The following ALKAL2 variants were observed in gnomAD, a reference collection of about 807,000 sequenced individuals.
ALKAL2 encodes ALK and LTK ligand 2.
In ALKAL2, 8 loss-of-function variants were observed where a neutral mutation model predicts 18.5. The ratio of observed to expected loss-of-function variants is 0.43; its 90% CI spans 0.25 to 0.78. The LOEUF (loss-of-function observed/expected upper bound fraction) is 0.78. ALKAL2 is among the 30% of genes least tolerant of loss of function. The pLI, the probability that ALKAL2 is intolerant of heterozygous loss-of-function variation, is 0.22. For synonymous variants in ALKAL2, 135 were observed against 95.8 expected (o/e 1.41, Z -2.39); for missense variants, 241 against 211.2 (o/e 1.14, Z -0.88).
chr2:287,845 G>C lies in ALKAL2; in HGVS notation c.-10C>G, dbSNP rs1670580548. 3.1e-6 allele frequency: 4 copies of C among 1,299,912 alleles called. No homozygotes were observed. The allele number at this position is 1,299,912 out of a possible 1,614,324, so 80.5% of individuals were successfully genotyped here. A position where few individuals can be genotyped will look rare whatever the true frequency, so the allele number is the denominator to read the frequency against. On this transcript the variant is annotated 5_prime_UTR_variant, in exon 2 of 6. Transcript: ENST00000403610. ...GCCCGGGTCCGCGCATCGTGCGCTC[G>C]GGGCCGCGGGGCTGGGAGACTCCGA...
Position 288,003 on chromosome 2 carries a change from G to C in ALKAL2, c.-58+10C>G, listed in dbSNP as rs1012887724. On this transcript the variant is annotated intron_variant, in intron 1 of 5. Coordinates refer to ENST00000403610, the MANE Select transcript of ALKAL2 (RefSeq NM_001002919.3). Reference sequence around the variant, plus strand: ...GGGAGGAGCCGCTGGCGCTGGACCCGGCCCCTCACCTCCGCGGACCCCGAG... The same window carrying C: ...GGGAGGAGCCGCTGGCGCTGGACCCCGCCCCTCACCTCCGCGGACCCCGAG... 6 of 1,231,842 alleles carry C rather than the reference G, an allele frequency of 4.9e-6. No individual in the cohort carries two copies. The highest frequency in any genetic ancestry group is 6.1e-6 in the Non-Finnish European group (6 of 989,478). 76.3% of individuals were successfully genotyped at this position (1,231,842 alleles called of 1,614,324 possible).
intron 4 of ALKAL2, 32 bp downstream of exon 4, chr2:286,091 G>T: frequency 1.3e-6 from 2 of 1,585,856 alleles, no homozygotes; most frequent in East Asian, 2.2e-5. Context: ...CACTGCTCTT[G>T]CATTTTATAA....
intron 2 of ALKAL2, 49 bp from the exon 3 acceptor site, chr2:286,392 T>A (rs765916463): frequency 5.0e-5 from 70 of 1,413,696 alleles, no homozygotes; most frequent in East Asian, 1.8e-4. Context: ...ACGCATTTTT[T>A]AAAAATGTGA....
chr2:288,077 C>T lies in ALKAL2; in HGVS notation c.-122G>A. 4 of 1,195,502 alleles carry T rather than the reference C, an allele frequency of 3.3e-6. No individual in the cohort carries two copies. The highest frequency in any genetic ancestry group is 4.1e-6 in the Non-Finnish European group (4 of 965,476). 74.1% of individuals were successfully genotyped at this position (1,195,502 alleles called of 1,614,324 possible). ...CCGCGGTCTCCTCGACGATCACGCC[C>T]GAGGTCCCGCCCACGGGGAGCGACC... is the stretch of plus-strand genomic sequence containing the variant. On this transcript the variant is annotated 5_prime_UTR_variant, in exon 1 of 6. Transcript: ENST00000403610.
chr2:283,043 A>C, intron 5 of ALKAL2, 68 bp downstream of exon 5: 1 of 1,482,330 alleles, frequency 6.7e-7, no homozygotes, highest in Non-Finnish European at 9.2e-7. Flanking sequence ...ACTCCCATGA[A>C]TTTTTCATGT....
chr2:287,350 C>T (rs1377896188), intron 2 of ALKAL2: 2 of 392,278 alleles, frequency 5.1e-6, no homozygotes, highest in East Asian at 3.8e-5. Flanking sequence ...AGTGTGGAAA[C>T]CACCGACCCG....
In ALKAL2 at chr2:287,653, G is replaced by T; in HGVS notation, c.183C>A (p.Leu61=). 1 of 1,482,388 alleles carries T rather than the reference G, an allele frequency of 6.7e-7. No individual in the cohort carries two copies. Among genetic ancestry groups the T allele is most frequent in the Non-Finnish European group, 8.9e-7 (1 of 1,122,508 alleles). 91.8% of individuals were successfully genotyped at this position (1,482,388 alleles called of 1,614,324 possible). A position where few individuals can be genotyped will look rare whatever the true frequency, so the allele number is the denominator to read the frequency against. The part of the protein sequence containing the change: ...HHSAEHKGLQ[L]LGRDCALGRA... Reference sequence around the variant, plus strand: ...GGCCCAGGGCGCAGTCCCGCCCGAGGAGCTGCAGGCCCTTGTGCTCCGCCG... The same window carrying T: ...GGCCCAGGGCGCAGTCCCGCCCGAGTAGCTGCAGGCCCTTGTGCTCCGCCG... The change falls in exon 2 of 6, where the codon CTC becomes CTA. Residue 61 remains leucine (L), a synonymous_variant. Coordinates refer to ENST00000403610, the MANE Select transcript of ALKAL2 (RefSeq NM_001002919.3).
At chr2:282,705 C>A (rs946728395) in intron 5 of ALKAL2, among the ~76,000 whole-genome samples, 1 of 151,998 alleles carries the variant, frequency 6.6e-6, no homozygotes, top group African/African-American at 2.4e-5. Flanking sequence ...ACAACTCAAA[C>A]ATGTACCAGA....
rs780747627 is a variant in ALKAL2 at position 280,154 on chromosome 2, T to C, written c.454-2A>G. ...TGCTCCTGTACGGTCTGCTCACTGC[T>C]GAAAACAAATACATTGCGTGTGATA... is the stretch of plus-strand genomic sequence containing the variant. On this transcript the variant is annotated splice_acceptor_variant, in intron 5 of 5. Transcript: ENST00000403610. LOFTEE classifies it high-confidence loss of function. The C allele has an allele frequency of 4.8e-5, 77 of 1,613,892 alleles. No homozygotes were observed. The highest frequency in any genetic ancestry group is 5.0e-5 in the Admixed American group (3 of 60,008).
In ALKAL2 at chr2:286,070, A is replaced by G; in HGVS notation, c.388+53T>C. The G allele has an allele frequency of 6.7e-6, 10 of 1,495,834 alleles. No individual in the cohort carries two copies. In the South Asian group the frequency reaches 1.2e-4, roughly 17 times the overall value. The allele number at this position is 1,495,834 out of a possible 1,614,324, so 92.7% of individuals were successfully genotyped here. ...TATATGAGGAAATGGAAAGAGGGGA[A>G]CCGCTGCCTGCACTGCTCTTGCATT... On this transcript the variant is annotated intron_variant, in intron 4 of 5. Transcript: ENST00000403610.
chr2:287,868 C>T lies in ALKAL2; in HGVS notation c.-33G>A. On this transcript the variant is annotated 5_prime_UTR_variant, in exon 2 of 6. Coordinates refer to ENST00000403610, the MANE Select transcript of ALKAL2 (RefSeq NM_001002919.3). Reference sequence around the variant, plus strand: ...TCGGGGCCGCGGGGCTGGGAGACTCCGACACGCGCCGAGAGCTGGGCTCGC... The same window carrying T: ...TCGGGGCCGCGGGGCTGGGAGACTCTGACACGCGCCGAGAGCTGGGCTCGC... 2.4e-6 allele frequency: 3 copies of T among 1,269,982 alleles called. No homozygotes were observed. The highest frequency in any genetic ancestry group is 3.0e-6 in the Non-Finnish European group (3 of 1,013,574). The allele number at this position is 1,269,982 out of a possible 1,614,324, so 78.7% of individuals were successfully genotyped here. A position where few individuals can be genotyped will look rare whatever the true frequency, so the allele number is the denominator to read the frequency against.
intron 5 of ALKAL2, among the ~76,000 whole-genome samples, chr2:281,445 G>A (rs894655958): frequency 2.0e-5 from 3 of 152,170 alleles, no homozygotes; most frequent in Admixed American, 6.5e-5. Flanking sequence ...TGGTGATGGG[G>A]AGAGTGATGT....
At chr2:283,915 T>G (rs956676177) in intron 4 of ALKAL2, among the ~76,000 whole-genome samples, 1 of 152,186 alleles carries the variant, frequency 6.6e-6, no homozygotes, top group African/African-American at 2.4e-5. Flanking sequence ...ATTGAATGGG[T>G]AGATTGACAA....
intron 5 of ALKAL2, among the ~76,000 whole-genome samples, chr2:281,726 G>A (rs1670361255): frequency 1.3e-5 from 2 of 151,794 alleles, no homozygotes; most frequent in South Asian, 4.2e-4. Flanking sequence ...TAAGTAAGTG[G>A]AAAATTTCCA....
intron 5 of ALKAL2, among the ~76,000 whole-genome samples, chr2:282,631 GAAAA>G (rs374669095): frequency 2.8e-5 from 4 of 144,654 alleles, no homozygotes; most frequent in Non-Finnish European, 6.1e-5. Flanking sequence ...TAGAGGCTGT[GAAAA>G]AAAAAAACCA....
intron 5 of ALKAL2, among the ~76,000 whole-genome samples, chr2:282,314 C>G (rs186217444): frequency 6.6e-6 from 1 of 152,230 alleles, no homozygotes; most frequent in Non-Finnish European, 1.5e-5. Flanking sequence ...TAAAAATACT[C>G]CCTTTTCATG....
chr2:282,802 A>G (rs1221413872), intron 5 of ALKAL2, among the ~76,000 whole-genome samples: 2 of 152,198 alleles, frequency 1.3e-5, no homozygotes, highest in African/African-American at 4.8e-5. Context: ...TAAACGGACA[A>G]TTTTAGTCTG....
chr2:286,040 G>A, intron 4 of ALKAL2, 83 bp downstream of exon 4: 12 of 1,204,550 alleles, frequency 1.0e-5, no homozygotes, highest in Non-Finnish European at 1.2e-5. Context: ...AAGAAGGCAG[G>A]GGCCTATATG....
intron 2 of ALKAL2, 178 bp downstream of exon 2, chr2:287,405 C>G (rs1670552480): frequency 4.1e-6 from 2 of 485,202 alleles, no homozygotes; most frequent in Admixed American, 4.5e-5. Flanking sequence ...CGCTTCTCCG[C>G]CAGGCCTCAT....
Sources: gnomAD v4.1 joint callset for allele counts (sites outside exome capture counted in the v4.1 genomes callset) on GRCh38, gnomAD v4.1.1 for gene constraint, MANE v1.5 for transcripts, NCBI Gene and HGNC (gene_info 2026-07-23, HGNC 2026-07-21) for gene names.